THSD7B: variants seen among roughly 807,000 people sequenced by gnomAD.
THSD7B encodes thrombospondin type 1 domain containing 7B.
Under a neutral mutation model 213.6 loss-of-function variants are expected in THSD7B, and 138 were observed. That is an observed-to-expected ratio of 0.65 (90% confidence interval 0.56 to 0.74). The LOEUF is 0.74. THSD7B is among the 30% of genes least tolerant of loss of function. The pLI is 0.00. For missense variants in THSD7B, 1,931 were observed against 1,991.5 expected, an observed-to-expected ratio of 0.97 and a Z score of 0.58; for synonymous variants, 742 against 687.0, an observed-to-expected ratio of 1.08 and a Z score of -1.25.
At chr2:137,381,060 C>T (rs1685762990) in intron 12 of THSD7B, among the ~76,000 whole-genome samples, 2 of 152,188 alleles carry the variant, frequency 1.3e-5, no homozygotes, top group Admixed American at 6.5e-5. Flanking sequence ...CCCTTTGACT[C>T]CCCTCAGAAC....
chr2:137,618,276 G>T, intron 18 of THSD7B, 116 bp from the exon 19 acceptor site: 1 of 768,784 alleles, frequency 1.3e-6, no homozygotes, highest in Non-Finnish European at 2.1e-6. Flanking sequence ...ACCTGGAAAT[G>T]ATTTTAGGAT....
intron 10 of THSD7B, among the ~76,000 whole-genome samples, chr2:137,245,956 A>G (rs542572632): frequency 1.2e-4 from 19 of 152,284 alleles, no homozygotes; most frequent in African/African-American, 4.1e-4. Context: ...GTATATTTCT[A>G]TAAGTTCCCA....
intron 2 of THSD7B, among the ~76,000 whole-genome samples, chr2:136,905,089 T>A (rs1171734206): frequency 6.6e-6 from 1 of 152,226 alleles, no homozygotes; most frequent in Non-Finnish European, 1.5e-5. Flanking sequence ...TACCTTACTC[T>A]CCTTCTGCAT....
chr2:137,242,695 A>G (rs1681940396), intron 10 of THSD7B, 123 bp downstream of exon 10: 2 of 662,996 alleles, frequency 3.0e-6, no homozygotes, highest in Non-Finnish European at 5.2e-6. Context: ...ATCACCCTGG[A>G]AACAAGTTTG....
At position 137,404,149 on chromosome 2, in the gene THSD7B, C is replaced by T. The variant is rs139417232; in HGVS notation, c.2501-1464C>T. Among the ~76,000 whole-genome samples, 532 of 151,388 alleles carry T rather than the reference C, an allele frequency of 3.5e-3. 4 individuals are homozygous for T. The highest frequency in any genetic ancestry group is 0.012 in the African/African-American group (496 of 41,214). On this transcript the variant is annotated intron_variant, in intron 12 of 27. Coordinates refer to ENST00000409968, the MANE Select transcript of THSD7B (RefSeq NM_001316349.2). ...AAAATTTTAGGAATGTGTTACCTCACGATTATTATTTTAAGGAACGACTAG... is the reference window on the plus strand; with the variant it reads ...AAAATTTTAGGAATGTGTTACCTCATGATTATTATTTTAAGGAACGACTAG...
At chr2:137,391,093 TTTG>T (rs879430632) in intron 12 of THSD7B, among the ~76,000 whole-genome samples, 3 of 152,054 alleles carry the variant, frequency 2.0e-5, no homozygotes, top group Admixed American at 6.6e-5. Flanking sequence ...TCCTCAGCTT[TTTG>T]TTGTTGTTGA....
intron 14 of THSD7B, among the ~76,000 whole-genome samples, chr2:137,419,951 AAT>A (rs1330767122): frequency 2.6e-5 from 4 of 152,126 alleles, no homozygotes; most frequent in African/African-American, 9.7e-5. Context: ...ATGTCTCTTG[AAT>A]ATATACTCAG....
At chr2:137,416,253 A>G (rs1422224515) in intron 14 of THSD7B, among the ~76,000 whole-genome samples, 1 of 152,182 alleles carries the variant, frequency 6.6e-6, no homozygotes, top group African/African-American at 2.4e-5. Context: ...AAATGTGTCC[A>G]AGCCATGGGC....
intron 15 of THSD7B, among the ~76,000 whole-genome samples, chr2:137,514,405 C>T (rs1444546273): frequency 6.6e-6 from 1 of 152,170 alleles, no homozygotes; most frequent in Non-Finnish European, 1.5e-5. Flanking sequence ...TGCTTTCTGT[C>T]CTTGAACATT....
At chr2:137,440,121 G>T (rs1687372290) in intron 14 of THSD7B, among the ~76,000 whole-genome samples, 1 of 152,120 alleles carries the variant, frequency 6.6e-6, no homozygotes. Context: ...GTTGAATACT[G>T]ATAGCAGTGG....
At chr2:137,673,215 A>G (rs542209824) in intron 27 of THSD7B, among the ~76,000 whole-genome samples, 4 of 152,308 alleles carry the variant, frequency 2.6e-5, no homozygotes, top group African/African-American at 9.6e-5. Context: ...TTCTGGCTTA[A>G]TTCATTTTTG....
intron 14 of THSD7B, among the ~76,000 whole-genome samples, chr2:137,424,947 C>A (rs1687011169): frequency 6.6e-6 from 1 of 151,652 alleles, no homozygotes; most frequent in Non-Finnish European, 1.5e-5. Context: ...TGGCAGTCAC[C>A]TGTAGTCCCA....
chr2:137,308,145 C>A (rs1452231632), intron 12 of THSD7B, among the ~76,000 whole-genome samples: 1 of 151,972 alleles, frequency 6.6e-6, no homozygotes, highest in Non-Finnish European at 1.5e-5. Context: ...TGCTCCTGCC[C>A]ACCCCTAGAA....
chr2:137,631,964 T>C (rs1682749700), intron 20 of THSD7B, among the ~76,000 whole-genome samples: 1 of 152,166 alleles, frequency 6.6e-6, no homozygotes, highest in Non-Finnish European at 1.5e-5. Context: ...TAGGAGTATG[T>C]TAGTAATTAT....
intron 1 of THSD7B, among the ~76,000 whole-genome samples, chr2:136,774,765 T>C (rs2104901100): frequency 6.6e-6 from 1 of 152,234 alleles, no homozygotes; most frequent in African/African-American, 2.4e-5. Context: ...AGTATGTGCA[T>C]GATTATTAGA....
chr2:136,799,311 A>AT (rs1682132228), intron 1 of THSD7B, among the ~76,000 whole-genome samples: 1 of 151,940 alleles, frequency 6.6e-6, no homozygotes, highest in Admixed American at 6.6e-5. Flanking sequence ...AAAAAAAAAG[A>AT]TTTTAACATT....
chr2:136,842,395 G>A (rs1400778986), intron 1 of THSD7B, among the ~76,000 whole-genome samples: 1 of 152,026 alleles, frequency 6.6e-6, no homozygotes, highest in Non-Finnish European at 1.5e-5. Flanking sequence ...CATTATGAGG[G>A]TCAAAGACAG....
At chr2:137,002,058 C>T (rs1396301128) in intron 2 of THSD7B, among the ~76,000 whole-genome samples, 4 of 152,128 alleles carry the variant, frequency 2.6e-5, no homozygotes, top group Non-Finnish European at 5.9e-5. Flanking sequence ...CATATTCCAG[C>T]AAGAAGGTAT....
chr2:137,075,529 G>A (rs62171244), intron 3 of THSD7B, among the ~76,000 whole-genome samples: 14,303 of 151,964 alleles, frequency 0.094, 756 homozygotes, highest in East Asian at 0.17. Context: ...CCATTGGTTC[G>A]AATTTCCTCC....
Sources: gnomAD v4.1 joint callset for allele counts (sites outside exome capture counted in the v4.1 genomes callset) on GRCh38, gnomAD v4.1.1 for gene constraint, MANE v1.5 for transcripts, NCBI Gene and HGNC (gene_info 2026-07-23, HGNC 2026-07-21) for gene names.